The following PIEZO2 variants were observed in gnomAD, a reference collection of about 807,000 sequenced individuals.
The protein encoded by PIEZO2 is piezo-type mechanosensitive ion channel component 2.
In PIEZO2, 172 loss-of-function variants were observed where a neutral mutation model predicts 337.3. The ratio of observed to expected loss-of-function variants is 0.51; its 90% confidence interval spans 0.45 to 0.58. The LOEUF is 0.58. PIEZO2 is among the 20% of genes least tolerant of loss of function. The pLI, the probability that PIEZO2 is intolerant of heterozygous loss-of-function variation, is 0.00. For synonymous variants in PIEZO2, 1,251 were observed against 1,228.5 expected, an observed-to-expected ratio of 1.02 and a Z score of -0.38; for missense variants, 3,028 against 3,391.3, an observed-to-expected ratio of 0.89 and a Z score of 2.66.
At chr18:10,792,333 T>G (rs1403985469) in intron 13 of PIEZO2, among the ~76,000 whole-genome samples, 1 of 152,218 alleles carries the variant, frequency 6.6e-6, no homozygotes, top group Non-Finnish European at 1.5e-5. Flanking sequence ...TCTAATTCAG[T>G]GGTTTTTAGT....
chr18:10,849,532 C>A (rs980230978), intron 7 of PIEZO2, among the ~76,000 whole-genome samples: 22 of 152,172 alleles, frequency 1.4e-4, no homozygotes, highest in African/African-American at 5.3e-4. Context: ...TTGCTTTGCT[C>A]AGGGCACCAT....
intron 37 of PIEZO2, among the ~76,000 whole-genome samples, chr18:10,717,898 G>A (rs187210872): frequency 3.9e-5 from 6 of 152,098 alleles, no homozygotes; most frequent in Admixed American, 2.0e-4. Context: ...TCATTCTGAC[G>A]GCTTCCATGG....
rs1205768662 is a variant in PIEZO2 at position 10,982,170 on chromosome 18, CA to C, written c.161-2511del. ...AAGAGTTCTATTATGCAAAATTTTG[CA>C]GCAGCTTTTTGCTTATTTGTTTGTA... On this transcript the variant is annotated intron_variant, in intron 2 of 55. Transcript: ENST00000674853. This position sits in a 1 kb window ranked among gnomAD's most constrained non-coding sequence, Gnocchi z 4.1. Among the ~76,000 whole-genome samples, 1 of 152,142 alleles carries C rather than the reference CA, an allele frequency of 6.6e-6. No homozygotes were observed. Among genetic ancestry groups the C allele is most frequent in the African/African-American group, 2.4e-5 (1 of 41,438 alleles).
intron 3 of PIEZO2, among the ~76,000 whole-genome samples, chr18:10,927,428 C>T (rs7238616): frequency 0.42 from 63,926 of 151,866 alleles, 14,144 homozygotes; most frequent in South Asian, 0.62. Context: ...GACGCCTTGG[C>T]TCCCCCAGGC....
intron 47 of PIEZO2, among the ~76,000 whole-genome samples, chr18:10,691,672 C>T (rs1276857628): frequency 6.6e-6 from 1 of 150,892 alleles, no homozygotes; most frequent in Non-Finnish European, 1.5e-5. Flanking sequence ...AATATTTTCT[C>T]ACTATGTAGA....
Position 10,993,022 on chromosome 18 carries a change from G to A in PIEZO2, c.161-13362C>T, listed in dbSNP as rs2035168114. Among the ~76,000 whole-genome samples the A allele has an allele frequency of 6.6e-6, 1 of 151,900 alleles. No homozygotes were observed. Among genetic ancestry groups the A allele is most frequent in the African/African-American group, 2.4e-5 (1 of 41,376 alleles). On this transcript the variant is annotated intron_variant, in intron 2 of 55. Coordinates refer to ENST00000674853, the MANE Select transcript of PIEZO2 (RefSeq NM_001378183.1). This position sits in a 1 kb window ranked among gnomAD's most constrained non-coding sequence, Gnocchi z 5.0. ...ATGTGAATTCATTCATGATTTGGCT[G>A]TTTGTCTGTTATTGGTGTATAGGAA...
At position 10,962,258 on chromosome 18, in the gene PIEZO2, C is replaced by T. The variant is rs149386137; in HGVS notation, c.286+17277G>A. On this transcript the variant is annotated intron_variant, in intron 3 of 55. Transcript: ENST00000674853. The surrounding 1 kb of genome is among the most constrained non-coding windows in gnomAD (Gnocchi z 4.1). Reference sequence around the variant, plus strand: ...GGCTACACTGGCAACAGGTTAAATACGCAATCGTAGCCCTTCTCCCATCCA... The same window carrying T: ...GGCTACACTGGCAACAGGTTAAATATGCAATCGTAGCCCTTCTCCCATCCA... Among the ~76,000 whole-genome samples, 12 of 152,286 alleles carry T rather than the reference C, an allele frequency of 7.9e-5. No individual in the cohort carries two copies. The East Asian group carries it at 2.3e-3, about 29-fold the overall frequency.
rs1198428801 is a variant in PIEZO2, at chr18:10,770,219, T to C, written c.2875A>G (p.Met959Val). Residue 959 changes from methionine (M) to valine (V), a missense_variant, in exon 21 of 56, where the codon ATG becomes GTG. Physicochemically the swap from Met to Val is conservative, Grantham distance 21 (BLOSUM62 1). Coordinates refer to ENST00000674853, the MANE Select transcript of PIEZO2 (RefSeq NM_001378183.1). ...ATGTGCAACTCCAAAATCCACCACA[T>C]GAACACCTGCAGCTTGTGAAAATAC... ...LEYFHKLQVF[M>V]WWILELHIIK... 6.5e-7 allele frequency: 1 copy of C among 1,537,502 alleles called. No homozygotes were observed. Among genetic ancestry groups the C allele is most frequent in the East Asian group, 2.4e-5 (1 of 40,920 alleles).
At chr18:10,712,083 T>C (rs945297400) in intron 39 of PIEZO2, among the ~76,000 whole-genome samples, 3 of 152,250 alleles carry the variant, frequency 2.0e-5, no homozygotes, top group Non-Finnish European at 2.9e-5. Context: ...GAAAAAGGGT[T>C]GTTTGATCAT....
intron 3 of PIEZO2, among the ~76,000 whole-genome samples, chr18:10,932,879 G>A (rs1234851467): frequency 6.6e-6 from 1 of 151,684 alleles, no homozygotes; most frequent in East Asian, 1.9e-4. Flanking sequence ...AGCTAAGATT[G>A]TACCACTGCA....
In PIEZO2 at chr18:10,940,549, T is replaced by C. The variant is rs1388173896; in HGVS notation, c.287-29321A>G. 6.6e-6 allele frequency among the ~76,000 whole-genome samples: 1 copy of C among 152,246 alleles called. No individual in the cohort carries two copies. The highest frequency in any genetic ancestry group is 1.5e-5 in the Non-Finnish European group (1 of 68,048). ...CAGGACACATTACTGCTTTTGTGCCTGCTGATAATGTTCACATGTCTAAAA... is the reference window on the plus strand; with the variant it reads ...CAGGACACATTACTGCTTTTGTGCCCGCTGATAATGTTCACATGTCTAAAA... On this transcript the variant is annotated intron_variant, in intron 3 of 55. Transcript: ENST00000674853. The surrounding 1 kb of genome is among the most constrained non-coding windows in gnomAD (Gnocchi z 5.3).
rs1321954532 is a variant in PIEZO2 at position 11,021,881 on chromosome 18, C to T, written c.161-42221G>A. ...TGGCAGAGTCCAGATGCTGCCTTTTCTCAATGGCATCCCTTGGACTTCCCT... is the reference window on the plus strand; with the variant it reads ...TGGCAGAGTCCAGATGCTGCCTTTTTTCAATGGCATCCCTTGGACTTCCCT... On this transcript the variant is annotated intron_variant, in intron 2 of 55. Transcript: ENST00000674853. The surrounding 1 kb of genome is among the most constrained non-coding windows in gnomAD (Gnocchi z 4.7). 6.6e-6 allele frequency among the ~76,000 whole-genome samples: 1 copy of T among 152,204 alleles called. No individual in the cohort carries two copies. Among genetic ancestry groups the T allele is most frequent in the African/African-American group, 2.4e-5 (1 of 41,442 alleles).
chr18:10,963,455 A>G (rs2033871159), intron 3 of PIEZO2, among the ~76,000 whole-genome samples: 1 of 152,238 alleles, frequency 6.6e-6, no homozygotes, highest in Non-Finnish European at 1.5e-5. Flanking sequence ...AGGTCAAGAC[A>G]TTGAATAGAT....
chr18:10,849,235 C>T (rs979773364), intron 7 of PIEZO2, among the ~76,000 whole-genome samples: 8 of 152,236 alleles, frequency 5.3e-5, no homozygotes, highest in Non-Finnish European at 1.2e-4. Flanking sequence ...TGGTCTCAAA[C>T]TCCTGCCCTC....
At position 10,748,732 on chromosome 18, in the gene PIEZO2, A is replaced by C; in HGVS notation, c.4265-102T>G. 8.1e-6 allele frequency: 9 copies of C among 1,107,486 alleles called. No individual in the cohort carries two copies. The highest frequency in any genetic ancestry group is 1.1e-5 in the Non-Finnish European group (9 of 812,458). The allele number at this position is 1,107,486 out of a possible 1,614,324, so 68.6% of individuals were successfully genotyped here. A position where few individuals can be genotyped will look rare whatever the true frequency, so the allele number is the denominator to read the frequency against. ...TCAGGCTTGGGAAATATAGGCATAAAAGCAGCATTCTGATGCTCTGACTTA... is the reference window on the plus strand; with the variant it reads ...TCAGGCTTGGGAAATATAGGCATAACAGCAGCATTCTGATGCTCTGACTTA... On this transcript the variant is annotated intron_variant, in intron 29 of 55. Transcript: ENST00000674853. This position sits in a 1 kb window ranked among gnomAD's most constrained non-coding sequence, Gnocchi z 5.1.
At position 11,111,821 on chromosome 18, in the gene PIEZO2, G is replaced by A. The variant is rs972538960; in HGVS notation, c.64+36704C>T. On this transcript the variant is annotated intron_variant, in intron 1 of 55. Coordinates refer to ENST00000674853, the MANE Select transcript of PIEZO2 (RefSeq NM_001378183.1). The surrounding 1 kb of genome is among the most constrained non-coding windows in gnomAD (Gnocchi z 6.2). Reference sequence around the variant, plus strand: ...GCTCCTTGTAGGTTAAATTATTCTTGATGAGAAGCAACTTAAATATTACTT... The same window carrying A: ...GCTCCTTGTAGGTTAAATTATTCTTAATGAGAAGCAACTTAAATATTACTT... Among the ~76,000 whole-genome samples, 3 of 152,182 alleles carry A rather than the reference G, an allele frequency of 2.0e-5. No homozygotes were observed. Among genetic ancestry groups the A allele is most frequent in the South Asian group, 2.1e-4 (1 of 4,822 alleles).
rs2042833487 is a variant in PIEZO2 at position 10,894,248 on chromosome 18, T to A, written c.329+16938A>T. ...GGGGCGGATCACCTGAGGTCAGGAG[T>A]TGAGACCAGCCTGGCCAACATGGAG... On this transcript the variant is annotated intron_variant, in intron 4 of 55. Transcript: ENST00000674853. The surrounding 1 kb of genome is among the most constrained non-coding windows in gnomAD (Gnocchi z 4.1). 6.6e-6 allele frequency among the ~76,000 whole-genome samples: 1 copy of A among 151,508 alleles called. No individual in the cohort carries two copies. The highest frequency in any genetic ancestry group is 2.4e-5 in the African/African-American group (1 of 41,174).
At chr18:10,871,512 A>G in intron 4 of PIEZO2, 97 bp from the exon 5 acceptor site, 5 of 1,147,996 alleles carry the variant, frequency 4.4e-6, no homozygotes, top group Non-Finnish European at 5.9e-6. Flanking sequence ...TTAATGATTT[A>G]AAATAAAAGA....
intron 2 of PIEZO2, among the ~76,000 whole-genome samples, chr18:11,007,268 A>G (rs1441089519): frequency 6.6e-6 from 1 of 152,248 alleles, no homozygotes; most frequent in Non-Finnish European, 1.5e-5. Context: ...AGGAAAGTTA[A>G]TAAATATAGC....
Sources: gnomAD v4.1 joint callset for allele counts (sites outside exome capture counted in the v4.1 genomes callset) on GRCh38, gnomAD v4.1.1 for gene constraint, Gnocchi (gnomAD v3.1) non-coding constraint, MANE v1.5 for transcripts, NCBI Gene and HGNC (gene_info 2026-07-23, HGNC 2026-07-21) for gene names.